The following KIAA1217 variants were observed in gnomAD, a reference collection of about 807,000 sequenced individuals.
The protein encoded by KIAA1217 is KIAA1217.
Under a neutral mutation model 163.9 loss-of-function variants are expected in KIAA1217, and 88 were observed. That is an observed-to-expected ratio of 0.54 (90% CI 0.45 to 0.64). The LOEUF (loss-of-function observed/expected upper bound fraction) is 0.64, where lower values mean the gene tolerates loss of function less well. Among genes scored for constraint, KIAA1217 ranks in the 30% least tolerant of loss-of-function variants. KIAA1217 has a pLI of 0.00. For missense variants in KIAA1217, 2,372 were observed against 2,475.0 expected (o/e 0.96, Z 0.88); for synonymous variants, 903 against 923.1 (o/e 0.98, Z 0.39).
At chr10:24,219,516 C>T (rs770807994) in intron 1 of KIAA1217, 110 bp from the exon 2 acceptor site, 34 of 791,150 alleles carry the variant, frequency 4.3e-5, no homozygotes, top group Middle Eastern at 5.3e-4. Context: ...AAAAGATTTG[C>T]GAAGTTAACA....
At chr10:24,481,142 G>A (rs2064631906) in intron 6 of KIAA1217, 1 of 152,150 alleles carries the variant, frequency 6.6e-6, no homozygotes, top group Non-Finnish European at 1.5e-5. Flanking sequence ...CTGCTCTTAT[G>A]TGCTTAGCTG....
chr10:24,170,392 C>G (rs777998097), intron 2 of KIAA1217, among the ~76,000 whole-genome samples: 1 of 152,170 alleles, frequency 6.6e-6, no homozygotes, highest in Non-Finnish European at 1.5e-5. Flanking sequence ...AAAACAGAGA[C>G]AGTCTCCAAT....
At position 24,428,324 on chromosome 10, in the gene KIAA1217, A is replaced by G. The variant is rs534015322; in HGVS notation, c.554-4671A>G. The stretch of plus-strand genomic sequence containing the variant: ...GGGCCAAGACATTGCGTGATCTGTG[A>G]TCAGACAGGCTTAAAAGGTATTCTC... On this transcript the variant is annotated intron_variant, in intron 3 of 20. Transcript: ENST00000376454. Among the ~76,000 whole-genome samples the G allele has an allele frequency of 2.6e-5, 4 of 152,318 alleles. No homozygotes were observed. The South Asian group carries it at 8.3e-4, about 32-fold the overall frequency.
chr10:24,538,740 T>TG (rs1554943354), intron 17 of KIAA1217, among the ~76,000 whole-genome samples: 2 of 142,104 alleles, frequency 1.4e-5, no homozygotes, highest in African/African-American at 5.1e-5. Flanking sequence ...TGGTTTTTTT[T>TG]TTTTTTTTTT....
At chr10:23,872,461 C>G (rs1840500255) in intron 1 of KIAA1217, among the ~76,000 whole-genome samples, 1 of 152,116 alleles carries the variant, frequency 6.6e-6, no homozygotes, top group Non-Finnish European at 1.5e-5. Context: ...TGAGGACCCC[C>G]TGCCTCTGCC....
At chr10:24,131,561 A>C (rs2063653283) in intron 2 of KIAA1217, among the ~76,000 whole-genome samples, 2 of 152,244 alleles carry the variant, frequency 1.3e-5, no homozygotes, top group African/African-American at 4.8e-5. Flanking sequence ...CAAGTCTGTA[A>C]GTTAGCGTCC....
chr10:24,122,836 A>G (rs974190779), intron 2 of KIAA1217, among the ~76,000 whole-genome samples: 1 of 151,960 alleles, frequency 6.6e-6, no homozygotes, highest in African/African-American at 2.4e-5. Context: ...TAATGAAGCT[A>G]TGCCCCCATG....
At chr10:23,964,044 C>A (rs1844944031) in intron 1 of KIAA1217, among the ~76,000 whole-genome samples, 1 of 152,058 alleles carries the variant, frequency 6.6e-6, no homozygotes, top group African/African-American at 2.4e-5. Flanking sequence ...CAGGCGTGCA[C>A]CACCACGCTC....
intron 2 of KIAA1217, among the ~76,000 whole-genome samples, chr10:24,306,996 T>C (rs1040864204): frequency 1.3e-5 from 2 of 152,252 alleles, no homozygotes; most frequent in African/African-American, 4.8e-5. Flanking sequence ...TACTCTGATT[T>C]CTATTGTTCT....
rs1835701091 is a variant in KIAA1217, at chr10:23,790,133, GCATATACACATATA to G, written c.-321+94902_-321+94915del. Reference sequence around the variant, plus strand: ...TATGCATATACACATATACACATATGCATATACACATATACACATATGCATATACACATATACAC... The same window carrying G: ...TATGCATATACACATATACACATATGCACATATGCATATACACATATACAC... On this transcript the variant is annotated intron_variant, in intron 1 of 18. Coordinates refer to the KIAA1217 transcript ENST00000376462. 5.5e-5 allele frequency among the ~76,000 whole-genome samples: 3 copies of G among 54,520 alleles called. 1 individual carries two copies. The highest frequency in any genetic ancestry group is 1.9e-4 in the African/African-American group (2 of 10,328). 35.8% of individuals were successfully genotyped at this position (54,520 alleles called of 152,430 possible).
intron 1 of KIAA1217, among the ~76,000 whole-genome samples, chr10:23,893,567 C>G (rs949304616): frequency 6.6e-6 from 1 of 151,920 alleles, no homozygotes; most frequent in Admixed American, 6.6e-5. Flanking sequence ...TTTTCTAGTT[C>G]TTTTAATTGT....
intron 2 of KIAA1217, among the ~76,000 whole-genome samples, chr10:24,010,525 A>G (rs1004248202): frequency 4.0e-5 from 6 of 151,852 alleles, no homozygotes; most frequent in Admixed American, 2.6e-4. Context: ...ATCATCCAAA[A>G]TACTGTAGAT....
intron 1 of KIAA1217, among the ~76,000 whole-genome samples, chr10:23,965,292 C>A (rs1420426539): frequency 6.6e-6 from 1 of 152,236 alleles, no homozygotes; most frequent in African/African-American, 2.4e-5. Context: ...AAAGCGTGAC[C>A]TGCAGATCCC....
intron 3 of KIAA1217, among the ~76,000 whole-genome samples, chr10:24,407,802 G>A (rs2057375758): frequency 6.6e-6 from 1 of 152,146 alleles, no homozygotes; most frequent in Non-Finnish European, 1.5e-5. Context: ...ATGAAGAGTG[G>A]CCTGGTAGCC....
intron 2 of KIAA1217, among the ~76,000 whole-genome samples, chr10:24,066,653 G>T (rs2060960547): frequency 6.6e-6 from 1 of 152,098 alleles, no homozygotes; most frequent in African/African-American, 2.4e-5. Flanking sequence ...GTATCTTTGT[G>T]GCATTCTGTG....
chr10:24,511,056 T>C (rs1306209766), intron 9 of KIAA1217, among the ~76,000 whole-genome samples: 2 of 147,412 alleles, frequency 1.4e-5, no homozygotes, highest in Non-Finnish European at 3.0e-5. Context: ...GAATAGCAGG[T>C]GCAAAGGCCT....
chr10:23,735,888 T>G (rs1242466998), intron 1 of KIAA1217, among the ~76,000 whole-genome samples: 1 of 152,248 alleles, frequency 6.6e-6, no homozygotes, highest in African/African-American at 2.4e-5. Context: ...ATCAAGATCA[T>G]GAACTTACCC....
intron 2 of KIAA1217, among the ~76,000 whole-genome samples, chr10:24,096,668 G>A (rs1375411067): frequency 6.6e-6 from 1 of 151,816 alleles, no homozygotes; most frequent in African/African-American, 2.4e-5. Context: ...TTTACCTCAG[G>A]CCCTTTGCAT....
chr10:23,816,240 T>A (rs1411843865), intron 1 of KIAA1217, among the ~76,000 whole-genome samples: 1 of 152,178 alleles, frequency 6.6e-6, no homozygotes. Context: ...ATTACTTTGA[T>A]CCTTAGGGGA....
Sources: gnomAD v4.1 joint callset for allele counts (sites outside exome capture counted in the v4.1 genomes callset) on GRCh38, gnomAD v4.1.1 for gene constraint, MANE v1.5 for transcripts, NCBI Gene and HGNC (gene_info 2026-07-23, HGNC 2026-07-21) for gene names.